Variants in GRIN2B observed in about 807,000 individuals in gnomAD.
GRIN2B encodes the protein glutamate ionotropic receptor NMDA type subunit 2B.
In GRIN2B, 5 loss-of-function variants were observed where a neutral mutation model predicts 114.5. The observed-to-expected ratio is 0.04, with a 90% CI of 0.02 to 0.09. The LOEUF (loss-of-function observed/expected upper bound fraction) is 0.09, where lower values mean the gene tolerates loss of function less well. GRIN2B is among the 10% of genes least tolerant of loss of function. The probability of loss-of-function intolerance (pLI) is 1.00; values close to 1 mark genes in which losing one functional copy is unlikely to be tolerated. For missense variants in GRIN2B, 1,108 were observed against 1,943.5 expected (o/e 0.57, Z 8.08); for synonymous variants, 787 against 745.1 (o/e 1.06, Z -0.92).
intron 10 of GRIN2B, among the ~76,000 whole-genome samples, chr12:13,572,484 T>TTTGACCTTCCCTGATGCACTG (rs1948719686): frequency 6.6e-6 from 1 of 152,236 alleles, no homozygotes; most frequent in Non-Finnish European, 1.5e-5. Flanking sequence ...GAAATTTTCT[T>TTTGACCTTCCCTGATGCACTG]TTGACCTTCC....
At position 13,719,648 on chromosome 12, in the gene GRIN2B, C is replaced by A. The variant is rs118004368; in HGVS notation, c.1010+33669G>T. Among the ~76,000 whole-genome samples the A allele has an allele frequency of 6.4e-3, 966 of 152,092 alleles. 22 individuals carry two copies. The highest frequency in any genetic ancestry group is 0.033 in the East Asian group (169 of 5,144). On this transcript the variant is annotated intron_variant, in intron 4 of 13. Coordinates refer to ENST00000609686, the MANE Select transcript of GRIN2B (RefSeq NM_000834.5). ...CACTGAACATGAAACTTGTGATAAG[C>A]CCAAAATGTAGATATCAAATTCACA...
intron 3 of GRIN2B, among the ~76,000 whole-genome samples, chr12:13,812,205 T>C (rs1864743459): frequency 6.6e-6 from 1 of 152,088 alleles, no homozygotes; most frequent in African/African-American, 2.4e-5. Flanking sequence ...TAAAAGACAC[T>C]GTGCAGCCCC....
At chr12:13,597,495 C>T (rs1358974318) in intron 10 of GRIN2B, among the ~76,000 whole-genome samples, 3 of 152,218 alleles carry the variant, frequency 2.0e-5, no homozygotes, top group Admixed American at 6.5e-5. Context: ...CTGGGCCAAG[C>T]GGGGACCATC....
rs71067738 is a variant in GRIN2B at position 13,927,982 on chromosome 12, A to AAAAAAAAAAAAAAAAAAAAAAAG, written c.-19+51945_-19+51946insCTTTTTTTTTTTTTTTTTTTTTT. 4.2e-4 allele frequency among the ~76,000 whole-genome samples: 54 copies of AAAAAAAAAAAAAAAAAAAAAAAG among 129,768 alleles called. 1 individual carries two copies. The highest frequency in any genetic ancestry group is 5.6e-4 in the African/African-American group (20 of 35,648). 85.1% of individuals were successfully genotyped at this position (129,768 alleles called of 152,430 possible). A position where few individuals can be genotyped will look rare whatever the true frequency, so the allele number is the denominator to read the frequency against. On this transcript the variant is annotated intron_variant, in intron 2 of 13. Coordinates refer to ENST00000609686, the MANE Select transcript of GRIN2B (RefSeq NM_000834.5). ...ACCCTGTCTCAAAAAAAAAAAAAAAAGGGGGGGTATGCTGTGGAAAGGATG... is the reference window on the plus strand; with the variant it reads ...ACCCTGTCTCAAAAAAAAAAAAAAAAAAAAAAAAAAAAAAAAAAAAAAGGGGGGGGTATGCTGTGGAAAGGATG...
intron 2 of GRIN2B, among the ~76,000 whole-genome samples, chr12:13,955,362 C>T (rs1051668392): frequency 1.3e-5 from 2 of 152,044 alleles, no homozygotes; most frequent in African/African-American, 4.8e-5. Context: ...AAATCCAAAA[C>T]CAAAATCTGA....
chr12:13,970,977 T>C (rs2136871507), intron 2 of GRIN2B, among the ~76,000 whole-genome samples: 1 of 152,314 alleles, frequency 6.6e-6, no homozygotes, highest in Non-Finnish European at 1.5e-5. Flanking sequence ...GAACCACGAA[T>C]CACAAAGACA....
chr12:13,607,373 ATT>A (rs1949286148), intron 10 of GRIN2B, among the ~76,000 whole-genome samples: 24 of 42,726 alleles, frequency 5.6e-4, no homozygotes, highest in Admixed American at 1.1e-3. Flanking sequence ...TATATTATAT[ATT>A]ATATATATAA....
intron 4 of GRIN2B, among the ~76,000 whole-genome samples, chr12:13,694,403 T>G (rs923546117): frequency 6.6e-6 from 1 of 151,990 alleles, no homozygotes; most frequent in African/African-American, 2.4e-5. Context: ...TCAGGCACTG[T>G]GAACATGGGG....
chr12:13,637,280 T>C (rs550348472), intron 5 of GRIN2B, among the ~76,000 whole-genome samples: 1 of 152,276 alleles, frequency 6.6e-6, no homozygotes, highest in Non-Finnish European at 1.5e-5. Flanking sequence ...GAGGAATTAA[T>C]CTAGATGTAG....
At chr12:13,709,155 A>G (rs927211632) in intron 4 of GRIN2B, among the ~76,000 whole-genome samples, 2 of 152,054 alleles carry the variant, frequency 1.3e-5, no homozygotes, top group African/African-American at 4.8e-5. Context: ...TGAGAATAAA[A>G]TATCAACAGG....
At chr12:13,911,598 T>G (rs1591616958) in intron 2 of GRIN2B, among the ~76,000 whole-genome samples, 1 of 152,142 alleles carries the variant, frequency 6.6e-6, no homozygotes, top group East Asian at 1.9e-4. Context: ...CTTCTATGGC[T>G]TTGAAGGAAA....
At chr12:13,708,595 G>C (rs1017293199) in intron 4 of GRIN2B, among the ~76,000 whole-genome samples, 1 of 151,926 alleles carries the variant, frequency 6.6e-6, no homozygotes, top group Non-Finnish European at 1.5e-5. Flanking sequence ...GAGGAGAGGA[G>C]ACATTGAATT....
chr12:13,547,981 A>ATATATTTTTTTTTTTTTTTTTTTTT lies in GRIN2B; in HGVS notation c.*14801_*14802insAAAAAAAAAAAAAAAAAAAAATATA. 2.9e-5 allele frequency: 2 copies of ATATATTTTTTTTTTTTTTTTTTTTT among 68,596 alleles called. No individual in the cohort carries two copies. The highest frequency in any genetic ancestry group is 9.2e-5 in the African/African-American group (2 of 21,784). 4.2% of individuals were successfully genotyped at this position (68,596 alleles called of 1,614,324 possible). A position where few individuals can be genotyped will look rare whatever the true frequency, so the allele number is the denominator to read the frequency against. ...TGTGTATATATATATATATATATAT[A>ATATATTTTTTTTTTTTTTTTTTTTT]TTTTTTTTTTTTTTCTGAAAGCTAC... On this transcript the variant is annotated 3_prime_UTR_variant, in exon 14 of 14. Transcript: ENST00000609686.
chr12:13,787,957 C>T lies in GRIN2B; in HGVS notation c.412-34042G>A, dbSNP rs1443112789. 1.3e-5 allele frequency among the ~76,000 whole-genome samples: 2 copies of T among 152,208 alleles called. 1 individual carries two copies. Among genetic ancestry groups the T allele is most frequent in the Non-Finnish European group, 2.9e-5 (2 of 68,038 alleles). On this transcript the variant is annotated intron_variant, in intron 3 of 13. Transcript: ENST00000609686. Reference sequence around the variant, plus strand: ...TGCAAATACCAACTTATCTCAAATACACCAGGAAGATTCTTCATAGCAGCC... The same window carrying T: ...TGCAAATACCAACTTATCTCAAATATACCAGGAAGATTCTTCATAGCAGCC...
chr12:13,774,276 CTAATTTAGA>C (rs1863962255), intron 3 of GRIN2B, among the ~76,000 whole-genome samples: 1 of 152,138 alleles, frequency 6.6e-6, no homozygotes, highest in Non-Finnish European at 1.5e-5. Context: ...CCACTTTAGT[CTAATTTAGA>C]TAATTTTGCT....
intron 2 of GRIN2B, among the ~76,000 whole-genome samples, chr12:13,895,221 G>A (rs1565578460): frequency 6.6e-6 from 1 of 152,178 alleles, no homozygotes. Flanking sequence ...TCACTTGGCT[G>A]GCCAGTGGCA....
chr12:13,931,382 T>C (rs918442670), intron 2 of GRIN2B, among the ~76,000 whole-genome samples: 1 of 152,198 alleles, frequency 6.6e-6, no homozygotes, highest in African/African-American at 2.4e-5. Context: ...CTTTTCTAGG[T>C]TCAATAACAC....
chr12:13,827,938 C>T (rs1275548410), intron 3 of GRIN2B, among the ~76,000 whole-genome samples: 1 of 152,232 alleles, frequency 6.6e-6, no homozygotes, highest in African/African-American at 2.4e-5. Context: ...CCTCAGCCTC[C>T]CAAAGTGCTG....
At chr12:13,836,272 A>C (rs971085245) in intron 3 of GRIN2B, among the ~76,000 whole-genome samples, 1 of 152,220 alleles carries the variant, frequency 6.6e-6, no homozygotes, top group Admixed American at 6.5e-5. Flanking sequence ...CCGTTGGGGA[A>C]GTGAACCCAG....
Sources: gnomAD v4.1 joint callset for allele counts (sites outside exome capture counted in the v4.1 genomes callset) on GRCh38, gnomAD v4.1.1 for gene constraint, MANE v1.5 for transcripts, NCBI Gene and HGNC (gene_info 2026-07-23, HGNC 2026-07-21) for gene names.